Variants in ZBTB38 observed in about 807,000 individuals in gnomAD.
ZBTB38 encodes zinc finger and BTB domain containing 38, also known as zinc finger and BTB domain-containing protein 38.
In ZBTB38, 20 loss-of-function variants were observed where a neutral mutation model predicts 76.8. The observed-to-expected ratio is 0.26, with a 90% CI of 0.18 to 0.38. The LOEUF is 0.38. Among genes scored for constraint, ZBTB38 ranks in the 10% least tolerant of loss-of-function variants. The probability of loss-of-function intolerance (pLI) is 1.00; values close to 1 mark genes in which losing one functional copy is unlikely to be tolerated. For synonymous variants in ZBTB38, 504 were observed against 544.2 expected (o/e 0.93, Z 1.03); for missense variants, 1,082 against 1,482.3 (o/e 0.73, Z 4.43).
chr3:141,366,784 T>C (rs1017713308), upstream of ZBTB38: 3 of 152,182 alleles, frequency 2.0e-5, no homozygotes, highest in African/African-American at 4.8e-5. Context: ...AAATTCCTGG[T>C]TTTGTCTTCC....
In ZBTB38 at chr3:141,434,951, G is replaced by A. The variant is rs537386008; in HGVS notation, c.1-7438G>A. ...ATTTGAGACCAGCCTGGGCAACATA[G>A]TGGGACCCCGTCTCTAATAAAAAAT... is the stretch of plus-strand genomic sequence containing the variant. On this transcript the variant is annotated intron_variant, in intron 5 of 5. Coordinates refer to ENST00000321464, the MANE Select transcript of ZBTB38 (RefSeq NM_001376113.1). Among the ~76,000 whole-genome samples, 21 of 152,206 alleles carry A rather than the reference G, an allele frequency of 1.4e-4. No individual in the cohort carries two copies. The South Asian group carries it at 4.1e-3, about 30-fold the overall frequency.
At chr3:141,436,567 G>A (rs893202251) in intron 5 of ZBTB38, among the ~76,000 whole-genome samples, 55 of 152,036 alleles carry the variant, frequency 3.6e-4, no homozygotes, top group Non-Finnish European at 1.3e-4. Context: ...GCGTGATCTC[G>A]GCTCACTGCA....
chr3:141,335,741 T>A (rs553846401), intron 1 of ZBTB38, among the ~76,000 whole-genome samples: 2 of 152,352 alleles, frequency 1.3e-5, no homozygotes, highest in South Asian at 4.1e-4. Context: ...TCCCACCAGT[T>A]TCTATCAATC....
chr3:141,409,101 A>G (rs1486919554), intron 5 of ZBTB38, among the ~76,000 whole-genome samples: 1 of 152,144 alleles, frequency 6.6e-6, no homozygotes, highest in African/African-American at 2.4e-5. Context: ...GCTGGAGTGC[A>G]GTGGCGCTAT....
chr3:141,358,989 G>T (rs895864587), intron 1 of ZBTB38, among the ~76,000 whole-genome samples: 1 of 152,238 alleles, frequency 6.6e-6, no homozygotes, highest in African/African-American at 2.4e-5. Flanking sequence ...AGGCCAGTGA[G>T]TAGCTGTTAT....
chr3:141,444,224 A>T lies in ZBTB38; in HGVS notation c.1836A>T (p.Glu612Asp), dbSNP rs2080780456. 6.2e-7 allele frequency: 1 copy of T among 1,614,126 alleles called. No individual in the cohort carries two copies. Among genetic ancestry groups the T allele is most frequent in the African/African-American group, 1.3e-5 (1 of 74,944 alleles). ...TTGTTCAGAATCCACACAGCTCTGA[A>T]TTACCAACGCTGAATTTCCAAGATA... The part of the protein sequence containing the change: ...TYVVQNPHSS[E>D]LPTLNFQDTV... Residue 612 changes from glutamate (E) to aspartate (D), a missense_variant, in exon 6 of 6, where the codon GAA becomes GAT. Coordinates refer to ENST00000321464, the MANE Select transcript of ZBTB38 (RefSeq NM_001376113.1). This position sits in a 1 kb window ranked among gnomAD's most constrained non-coding sequence, Gnocchi z 5.1.
intron 2 of ZBTB38, among the ~76,000 whole-genome samples, chr3:141,380,704 T>C (rs910900032): frequency 2.0e-5 from 3 of 152,302 alleles, no homozygotes; most frequent in Middle Eastern, 3.4e-3. Flanking sequence ...ACAACCAAAA[T>C]GCATTGTGTT....
intron 1 of ZBTB38, among the ~76,000 whole-genome samples, chr3:141,324,615 A>G (rs996234234): frequency 3.3e-5 from 5 of 152,240 alleles, no homozygotes; most frequent in Non-Finnish European, 5.9e-5. Flanking sequence ...GAGTTTATCT[A>G]TTATTGATTC....
chr3:141,433,088 G>C (rs758150873), intron 5 of ZBTB38, among the ~76,000 whole-genome samples: 1 of 152,164 alleles, frequency 6.6e-6, no homozygotes, highest in Non-Finnish European at 1.5e-5. Flanking sequence ...TTAAGGACAG[G>C]TATGGAGAGT....
chr3:141,364,540 G>T (rs1339843917), upstream of ZBTB38, among the ~76,000 whole-genome samples: 1 of 151,768 alleles, frequency 6.6e-6, no homozygotes, highest in East Asian at 1.9e-4. Context: ...AGCCAGGTGT[G>T]GTGGCACATG....
At chr3:141,358,808 G>T (rs1004730259) in intron 1 of ZBTB38, among the ~76,000 whole-genome samples, 2 of 152,172 alleles carry the variant, frequency 1.3e-5, no homozygotes, top group African/African-American at 4.8e-5. Flanking sequence ...CATTTTATAT[G>T]CATGAAAACA....
chr3:141,381,902 A>C (rs1039259510), intron 3 of ZBTB38, among the ~76,000 whole-genome samples: 3 of 152,208 alleles, frequency 2.0e-5, no homozygotes, highest in East Asian at 3.8e-4. Context: ...AGATGTTAAC[A>C]AACAGAGTCA....
At chr3:141,427,176 G>A (rs1179635479) in intron 5 of ZBTB38, among the ~76,000 whole-genome samples, 1 of 152,248 alleles carries the variant, frequency 6.6e-6, no homozygotes, top group East Asian at 1.9e-4. Flanking sequence ...TTCAGTAAAG[G>A]TTTATTAACA....
intron 5 of ZBTB38, among the ~76,000 whole-genome samples, chr3:141,415,996 G>A (rs751518451): frequency 6.6e-6 from 1 of 152,176 alleles, no homozygotes; most frequent in Non-Finnish European, 1.5e-5. Context: ...GTATAAAAAC[G>A]AGGGGTGGTC....
intron 4 of ZBTB38, chr3:141,387,725 A>G (rs1403103643): frequency 6.6e-6 from 1 of 152,230 alleles, no homozygotes; most frequent in Non-Finnish European, 1.5e-5. Flanking sequence ...TTCTGTGATC[A>G]CAGTTCATTC....
At position 141,448,256 on chromosome 3, in the gene ZBTB38, C is replaced by T. The variant is rs2081241781; in HGVS notation, c.*2280C>T. On this transcript the variant is annotated 3_prime_UTR_variant, in exon 6 of 6. Transcript: ENST00000321464. Reference sequence around the variant, plus strand: ...TAATTCTAGACCAAAGTAAATATGGCAGAATATTTATACATGAAAAAATAA... The same window carrying T: ...TAATTCTAGACCAAAGTAAATATGGTAGAATATTTATACATGAAAAAATAA... 6.6e-6 allele frequency: 1 copy of T among 152,412 alleles called. No individual in the cohort carries two copies. Among genetic ancestry groups the T allele is most frequent in the Non-Finnish European group, 1.5e-5 (1 of 67,994 alleles). 9.4% of individuals were successfully genotyped at this position (152,412 alleles called of 1,614,324 possible).
At chr3:141,341,965 G>C (rs1943208632) in intron 1 of ZBTB38, among the ~76,000 whole-genome samples, 1 of 152,166 alleles carries the variant, frequency 6.6e-6, no homozygotes, top group Admixed American at 6.5e-5. Context: ...AATTATTTCA[G>C]GGTGAAACGT....
chr3:141,421,373 C>A (rs1186166166), intron 5 of ZBTB38, among the ~76,000 whole-genome samples: 1 of 151,542 alleles, frequency 6.6e-6, no homozygotes, highest in Non-Finnish European at 1.5e-5. Context: ...ACAGTCTTCC[C>A]GCCTCAGCCT....
chr3:141,351,108 G>C (rs1438747682), intron 1 of ZBTB38, among the ~76,000 whole-genome samples: 1 of 152,204 alleles, frequency 6.6e-6, no homozygotes, highest in African/African-American at 2.4e-5. Flanking sequence ...TTATCACACA[G>C]GGTAGGGTTG....
Sources: gnomAD v4.1 joint callset for allele counts (sites outside exome capture counted in the v4.1 genomes callset) on GRCh38, gnomAD v4.1.1 for gene constraint, Gnocchi (gnomAD v3.1) non-coding constraint, MANE v1.5 for transcripts, NCBI Gene and HGNC (gene_info 2026-07-23, HGNC 2026-07-21) for gene names.